The following SLC4A8 variants were observed in gnomAD, a reference collection of about 807,000 sequenced individuals.
The protein encoded by SLC4A8 is electroneutral sodium bicarbonate exchanger 1.
SLC4A8 carries 40 observed loss-of-function variants against 125.0 expected under a neutral mutation model. The observed-to-expected ratio is 0.32, with a 90% CI of 0.25 to 0.42. The LOEUF is 0.42. SLC4A8 is among the 10% of genes least tolerant of loss of function. The pLI, the probability that SLC4A8 is intolerant of heterozygous loss-of-function variation, is 1.00. For missense variants in SLC4A8, 863 were observed against 1,355.1 expected (o/e 0.64, Z 5.70); for synonymous variants, 456 against 476.0 (o/e 0.96, Z 0.55).
chr12:51,416,217 T>G (rs12231392), intron 1 of SLC4A8, among the ~76,000 whole-genome samples: 3,135 of 125,480 alleles, frequency 0.025, 72 homozygotes, highest in East Asian at 0.1. Context: ...TTTTGTTTTT[T>G]TTTTTTTTTT....
intron 2 of SLC4A8, among the ~76,000 whole-genome samples, chr12:51,441,952 G>C (rs1373017143): frequency 6.6e-6 from 1 of 152,182 alleles, no homozygotes; most frequent in East Asian, 1.9e-4. Flanking sequence ...AGTTGCAGCA[G>C]TTGGGAGGGA....
At chr12:51,413,860 C>G (rs1203782256) in intron 1 of SLC4A8, among the ~76,000 whole-genome samples, 2 of 152,108 alleles carry the variant, frequency 1.3e-5, no homozygotes. Flanking sequence ...AGTGTGATGC[C>G]TTCAACTTTC....
intron 2 of SLC4A8, among the ~76,000 whole-genome samples, chr12:51,448,691 G>C (rs149871617): frequency 6.6e-6 from 1 of 152,142 alleles, no homozygotes; most frequent in Non-Finnish European, 1.5e-5. Flanking sequence ...TGCCTGCAAC[G>C]TGGTGGGCTC....
At chr12:51,463,216 T>C (rs1423796902) in intron 10 of SLC4A8, among the ~76,000 whole-genome samples, 1 of 152,148 alleles carries the variant, frequency 6.6e-6, no homozygotes, top group Non-Finnish European at 1.5e-5. Flanking sequence ...TCAAAAGATA[T>C]TGTTATCTCT....
chr12:51,453,943 T>C (rs1288199391), intron 5 of SLC4A8, among the ~76,000 whole-genome samples: 3 of 152,220 alleles, frequency 2.0e-5, no homozygotes, highest in African/African-American at 7.2e-5. Context: ...GTCTGTTTAT[T>C]CAGCAAATGT....
intron 1 of SLC4A8, among the ~76,000 whole-genome samples, chr12:51,428,015 C>T (rs1173475258): frequency 6.6e-6 from 1 of 152,168 alleles, no homozygotes; most frequent in Non-Finnish European, 1.5e-5. Flanking sequence ...CCTCCCAGGA[C>T]TGCCTCTCCT....
At chr12:51,416,910 A>G (rs1948697645) in intron 1 of SLC4A8, among the ~76,000 whole-genome samples, 1 of 152,104 alleles carries the variant, frequency 6.6e-6, no homozygotes, top group Non-Finnish European at 1.5e-5. Context: ...GGATTGCTTG[A>G]GCTCAGGAGT....
chr12:51,508,961 A>G lies in SLC4A8; in HGVS notation c.*1523A>G, dbSNP rs1348656576. The G allele has an allele frequency of 6.6e-6, 1 of 152,666 alleles. No individual in the cohort carries two copies. Among genetic ancestry groups the G allele is most frequent in the Non-Finnish European group, 1.5e-5 (1 of 68,046 alleles). The allele number at this position is 152,666 out of a possible 1,614,324, so 9.5% of individuals were successfully genotyped here. A position where few individuals can be genotyped will look rare whatever the true frequency, so the allele number is the denominator to read the frequency against. On this transcript the variant is annotated 3_prime_UTR_variant, in exon 25 of 25. Coordinates refer to ENST00000453097, the MANE Select transcript of SLC4A8 (RefSeq NM_001039960.3). Reference sequence around the variant, plus strand: ...CTAATGTATTCTAGTCTTACTCTAAAGACCTTTGATGTTAAAGGAATCCTT... The same window carrying G: ...CTAATGTATTCTAGTCTTACTCTAAGGACCTTTGATGTTAAAGGAATCCTT...
chr12:51,406,411 C>T (rs1038662656), intron 1 of SLC4A8, among the ~76,000 whole-genome samples: 2 of 152,100 alleles, frequency 1.3e-5, no homozygotes, highest in Non-Finnish European at 2.9e-5. Flanking sequence ...AAGACCTGGT[C>T]CCTATCTGTA....
chr12:51,398,675 C>A (rs1216120609), intron 1 of SLC4A8, among the ~76,000 whole-genome samples: 1 of 152,232 alleles, frequency 6.6e-6, no homozygotes, highest in East Asian at 1.9e-4. Flanking sequence ...TAAACTAACT[C>A]CGCAGAGCAA....
upstream of SLC4A8, among the ~76,000 whole-genome samples, chr12:51,424,071 A>AAC (rs1948879521): frequency 7.7e-6 from 1 of 130,384 alleles, no homozygotes; most frequent in Non-Finnish European, 1.7e-5. Flanking sequence ...AACAACAAAA[A>AAC]AAAAACAAAA....
At chr12:51,498,760 A>G (rs981883811) in intron 22 of SLC4A8, among the ~76,000 whole-genome samples, 1 of 118 alleles carries the variant, frequency 8.5e-3, no homozygotes, top group Non-Finnish European at 0.012. Flanking sequence ...AGGCGCCTAT[A>G]ATCTAGCTAT....
At chr12:51,444,011 T>G (rs1452485710) in intron 2 of SLC4A8, among the ~76,000 whole-genome samples, 1 of 152,222 alleles carries the variant, frequency 6.6e-6, no homozygotes, top group Non-Finnish European at 1.5e-5. Flanking sequence ...CCCATAATTT[T>G]TACTAAATTA....
At chr12:51,469,512 C>A in intron 11 of SLC4A8, 102 bp from the exon 12 acceptor site, 2 of 1,034,466 alleles carry the variant, frequency 1.9e-6, no homozygotes, top group Non-Finnish European at 2.8e-6. Context: ...CAAAGTCTTA[C>A]CGCTGAACAG....
intron 14 of SLC4A8, among the ~76,000 whole-genome samples, chr12:51,472,609 T>C (rs1411708025): frequency 1.3e-5 from 2 of 152,296 alleles, no homozygotes; most frequent in East Asian, 1.9e-4. Flanking sequence ...GCACCTATTA[T>C]GTACCAAGCA....
intron 4 of SLC4A8, among the ~76,000 whole-genome samples, chr12:51,452,775 G>T (rs1459503642): frequency 6.6e-6 from 1 of 152,200 alleles, no homozygotes; most frequent in Non-Finnish European, 1.5e-5. Flanking sequence ...TCCTGAAGTG[G>T]TTGTAGAATA....
At chr12:51,400,782 A>G (rs1306504817) in intron 1 of SLC4A8, among the ~76,000 whole-genome samples, 994 of 3,558 alleles carry the variant, frequency 0.28, 154 homozygotes, top group Non-Finnish European at 0.37. Context: ...ATATATACAT[A>G]CATACACACA....
chr12:51,462,075 T>C (rs1273283869), intron 9 of SLC4A8: 3 of 492,134 alleles, frequency 6.1e-6, no homozygotes, highest in Non-Finnish European at 7.3e-6. Flanking sequence ...TCATGTCTTA[T>C]CTCTTCTTAT....
chr12:51,392,241 C>A (rs1220891110), intron 1 of SLC4A8: 1 of 152,250 alleles, frequency 6.6e-6, no homozygotes, highest in Admixed American at 6.5e-5. Context: ...AAAGTGGGAT[C>A]CCCCACCAGC....
Sources: gnomAD v4.1 joint callset for allele counts (sites outside exome capture counted in the v4.1 genomes callset) on GRCh38, gnomAD v4.1.1 for gene constraint, MANE v1.5 for transcripts, NCBI Gene and HGNC (gene_info 2026-07-23, HGNC 2026-07-21) for gene names.